TUBGCP4: variants seen among roughly 807,000 people sequenced by gnomAD.
TUBGCP4 encodes gamma-tubulin complex component 4.
TUBGCP4 carries 54 observed loss-of-function variants against 91.6 expected under a neutral mutation model. The ratio of observed to expected loss-of-function variants is 0.59; its 90% CI spans 0.47 to 0.74. The LOEUF (loss-of-function observed/expected upper bound fraction) is 0.74, where lower values mean the gene tolerates loss of function less well. Among genes scored for constraint, TUBGCP4 ranks in the 30% least tolerant of loss-of-function variants. The pLI is 0.00. For synonymous variants in TUBGCP4, 297 were observed against 302.8 expected, an observed-to-expected ratio of 0.98 and a Z score of 0.20; for missense variants, 593 against 800.9, an observed-to-expected ratio of 0.74 and a Z score of 3.13.
At chr15:43,396,156 T>A (rs1275434791) in intron 11 of TUBGCP4, among the ~76,000 whole-genome samples, 2 of 152,236 alleles carry the variant, frequency 1.3e-5, no homozygotes, top group African/African-American at 4.8e-5. Context: ...TTGTGTCTCT[T>A]GTGAACACTT....
chr15:43,388,910 A>T (rs945970295), intron 9 of TUBGCP4, among the ~76,000 whole-genome samples: 2 of 152,062 alleles, frequency 1.3e-5, no homozygotes, highest in Non-Finnish European at 2.9e-5. Context: ...TCCTTTAAAA[A>T]TTTTTTTCTT....
chr15:43,397,937 C>T, intron 12 of TUBGCP4, 104 bp from the exon 13 acceptor site: 1 of 1,218,914 alleles, frequency 8.2e-7, no homozygotes. Context: ...GTCTTGAACT[C>T]CTGTGAGCTC....
At chr15:43,388,201 A>G (rs184535015) in intron 9 of TUBGCP4, among the ~76,000 whole-genome samples, 4 of 152,260 alleles carry the variant, frequency 2.6e-5, no homozygotes, top group African/African-American at 9.6e-5. Flanking sequence ...AAACCTCTAC[A>G]GGGGTTTTTG....
At chr15:43,376,364 A>C in intron 2 of TUBGCP4, 138 bp downstream of exon 2, 1 of 1,591,488 alleles carries the variant, frequency 6.3e-7, no homozygotes, top group Non-Finnish European at 8.6e-7. Flanking sequence ...TGGATTTCTC[A>C]TCACTAGAAA....
chr15:43,387,108 C>T (rs2044388040), intron 9 of TUBGCP4, among the ~76,000 whole-genome samples: 1 of 152,164 alleles, frequency 6.6e-6, no homozygotes, highest in Admixed American at 6.5e-5. Context: ...ACACAATCAT[C>T]TTATGAGGAA....
chr15:43,398,580 C>G (rs1051686014), intron 13 of TUBGCP4, among the ~76,000 whole-genome samples: 1 of 152,034 alleles, frequency 6.6e-6, no homozygotes. Flanking sequence ...TTTTAAATTG[C>G]CAAATAATAA....
rs757987955 is a variant in TUBGCP4, at chr15:43,403,665, ACT to A, written c.1732-15_1732-14del. ...TACCTTCCTTCCTTTCCTAATGCCA[ACT>A]CTGTTTCCCGGGTAGGTGTTTCACT... On this transcript the variant is annotated splice_polypyrimidine_tract_variant and intron_variant, in intron 15 of 17. Transcript: ENST00000564079. 6.3e-6 allele frequency: 10 copies of A among 1,581,768 alleles called. No individual in the cohort carries two copies. In the Admixed American group the frequency reaches 1.0e-4, roughly 16 times the overall value.
chr15:43,375,998 T>G, intron 1 of TUBGCP4, 100 bp from the exon 2 acceptor site: 5 of 1,539,456 alleles, frequency 3.2e-6, no homozygotes, highest in Non-Finnish European at 4.4e-6. Context: ...GTGGACATCT[T>G]GAGAAAGAAA....
chr15:43,395,419 A>C lies in TUBGCP4; in HGVS notation c.1066-164A>C, dbSNP rs942103210. On this transcript the variant is annotated intron_variant, in intron 10 of 17. Transcript: ENST00000564079. ...CCAAATACACACCAGTCATCCTGCT[A>C]TGCGGAACTAAGTATGCCTCTTTGA... The C allele has an allele frequency of 4.3e-6, 3 of 692,848 alleles. No individual in the cohort carries two copies. In the East Asian group the frequency reaches 7.4e-5, roughly 17 times the overall value. The allele number at this position is 692,848 out of a possible 1,614,324, so 42.9% of individuals were successfully genotyped here.
intron 5 of TUBGCP4, among the ~76,000 whole-genome samples, chr15:43,378,298 G>T (rs2044237888): frequency 6.6e-6 from 1 of 152,214 alleles, no homozygotes; most frequent in African/African-American, 2.4e-5. Flanking sequence ...AGAATTTTGA[G>T]ATCAGTGAGT....
At position 43,383,403 on chromosome 15, in the gene TUBGCP4, G is replaced by A. The variant is rs749757400; in HGVS notation, c.622G>A (p.Gly208Arg). 1 of 1,614,146 alleles carries A rather than the reference G, an allele frequency of 6.2e-7. No individual in the cohort carries two copies. Among genetic ancestry groups the A allele is most frequent in the Non-Finnish European group, 8.5e-7 (1 of 1,180,016 alleles). Residue 208 changes from glycine (G) to arginine (R), a missense_variant, in exon 7 of 18, where the codon GGG becomes AGG. Gly to Arg is a moderately radical substitution (Grantham distance 125). Coordinates refer to ENST00000564079, the MANE Select transcript of TUBGCP4 (RefSeq NM_014444.5). ...DQHEEFFIKQ[G>R]PSSGNVSAQP... The stretch of plus-strand genomic sequence containing the variant: ...GCATGAAGAATTCTTTATCAAACAG[G>A]GGCCATCTTCTGGTAATGTCAGTGC...
intron 14 of TUBGCP4, 81 bp downstream of exon 14, chr15:43,400,302 CAA>C: frequency 8.8e-7 from 1 of 1,130,860 alleles, no homozygotes; most frequent in Non-Finnish European, 1.2e-6. Context: ...ATAGGGACTA[CAA>C]GTTTCTATTT....
In TUBGCP4 at chr15:43,386,232, A is replaced by G. The variant is rs762491606; in HGVS notation, c.916A>G (p.Thr306Ala). ...KGSILKNQED[T>A]FAAELHRLKQ... ...ATCCATTTTGAAAAACCAGGAAGAC[A>G]CTTTTGCTGCAGAGCTGCACCGTCT... Residue 306 changes from threonine (T) to alanine (A), a missense_variant, in exon 9 of 18, where the codon ACT becomes GCT. Physicochemically the swap from Thr to Ala is moderately conservative, Grantham distance 58. Transcript: ENST00000564079. 11 of 1,608,118 alleles carry G rather than the reference A, an allele frequency of 6.8e-6. No homozygotes were observed. Among genetic ancestry groups the G allele is most frequent in the East Asian group, 2.2e-5 (1 of 44,688 alleles).
intron 9 of TUBGCP4, among the ~76,000 whole-genome samples, chr15:43,390,990 C>CT (rs887928984): frequency 1.3e-4 from 19 of 147,358 alleles, no homozygotes; most frequent in Non-Finnish European, 1.8e-4. Flanking sequence ...TAATTCTTTT[C>CT]TTTTTTTTTT....
intron 5 of TUBGCP4, among the ~76,000 whole-genome samples, chr15:43,378,477 G>T (rs987714282): frequency 1.3e-5 from 2 of 152,200 alleles, no homozygotes; most frequent in Non-Finnish European, 2.9e-5. Context: ...GTCCACAATT[G>T]GACCAAGTGG....
rs1350806937 is a variant in TUBGCP4 at position 43,408,267 on chromosome 15, T to A, written c.*3053T>A. The A allele has an allele frequency of 3.2e-6, 2 of 618,496 alleles. No homozygotes were observed. Among genetic ancestry groups the A allele is most frequent in the African/African-American group, 3.7e-5 (2 of 53,704 alleles). 38.3% of individuals were successfully genotyped at this position (618,496 alleles called of 1,614,324 possible). A position where few individuals can be genotyped will look rare whatever the true frequency, so the allele number is the denominator to read the frequency against. On this transcript the variant is annotated 3_prime_UTR_variant, in exon 18 of 18. Transcript: ENST00000564079. ...CTGTCGTGGTTGGATCTCTTGGGCC[T>A]GGGAGTTCGAGACCAGCCTGGGCAA... is the stretch of plus-strand genomic sequence containing the variant.
In TUBGCP4 at chr15:43,408,582, G is replaced by A. The variant is rs896947845; in HGVS notation, c.*3368G>A. The A allele has an allele frequency of 2.7e-5, 9 of 336,652 alleles. No homozygotes were observed. The highest frequency in any genetic ancestry group is 5.0e-5 in the Non-Finnish European group (9 of 179,696). The allele number at this position is 336,652 out of a possible 1,614,324, so 20.9% of individuals were successfully genotyped here. On this transcript the variant is annotated 3_prime_UTR_variant, in exon 18 of 18. Coordinates refer to ENST00000564079, the MANE Select transcript of TUBGCP4 (RefSeq NM_014444.5). The stretch of plus-strand genomic sequence containing the variant: ...GCTTTCTAATTTCCATGTTTGTTCT[G>A]GGGCTGAGAATAATCCAAATCATGC...
In TUBGCP4 at chr15:43,376,189, A is replaced by G. The variant is rs749948500; in HGVS notation, c.170A>G (p.Glu57Gly). ...RLGTDYIRFT[E>G]FIEQYTGHVQ... ...GGCACAGACTATATTCGCTTCACTGAGTTCATTGAACAGTACACGGGCCAT... is the reference window on the plus strand; with the variant it reads ...GGCACAGACTATATTCGCTTCACTGGGTTCATTGAACAGTACACGGGCCAT... Residue 57 changes from glutamate (E) to glycine (G), a missense_variant, in exon 2 of 18, where the codon GAG (glutamate) becomes GGG (glycine). Coordinates refer to ENST00000564079, the MANE Select transcript of TUBGCP4 (RefSeq NM_014444.5). 1.9e-6 allele frequency: 3 copies of G among 1,613,948 alleles called. No individual in the cohort carries two copies. In the African/African-American group the frequency reaches 4.0e-5, roughly 22 times the overall value.
At chr15:43,378,805 C>T (rs892141881) in intron 5 of TUBGCP4, among the ~76,000 whole-genome samples, 1 of 152,210 alleles carries the variant, frequency 6.6e-6, no homozygotes, top group Non-Finnish European at 1.5e-5. Context: ...TTATCACACA[C>T]AATCCACTAA....
Sources: allele counts gnomAD v4.1 joint callset (sites outside exome capture counted in the v4.1 genomes callset), GRCh38; gene constraint gnomAD v4.1.1; transcripts MANE v1.5; gene names NCBI Gene and HGNC (gene_info 2026-07-23, HGNC 2026-07-21).